The following GAS7 variants were observed in gnomAD, a reference collection of about 807,000 sequenced individuals.
The protein encoded by GAS7 is growth arrest-specific protein 7.
In GAS7, 28 loss-of-function variants were observed where a neutral mutation model predicts 71.1. The observed-to-expected ratio is 0.39, with a 90% CI of 0.29 to 0.54. The LOEUF is 0.54. Ranked by LOEUF, GAS7 falls within the 20% of genes least tolerant of loss-of-function variation. The pLI, the probability that GAS7 is intolerant of heterozygous loss-of-function variation, is 0.62. For missense variants in GAS7, 436 were observed against 627.8 expected, an observed-to-expected ratio of 0.69 and a Z score of 3.27; for synonymous variants, 258 against 245.8, an observed-to-expected ratio of 1.05 and a Z score of -0.46.
At chr17:10,012,829 G>A (rs113444489) in intron 2 of GAS7, among the ~76,000 whole-genome samples, 4,115 of 152,030 alleles carry the variant, frequency 0.027, 156 homozygotes, top group African/African-American at 0.092. Context: ...CAGGCAGGGC[G>A]CGGTGGCTCA....
At chr17:9,932,385 G>A (rs2152081332) in intron 9 of GAS7, among the ~76,000 whole-genome samples, 2 of 152,142 alleles carry the variant, frequency 1.3e-5, no homozygotes, top group Middle Eastern at 3.4e-3. Flanking sequence ...AGTAGAGATG[G>A]GGTTTCACCA....
chr17:10,122,471 GC>G (rs1253798535), intron 1 of GAS7, among the ~76,000 whole-genome samples: 3 of 152,126 alleles, frequency 2.0e-5, no homozygotes, highest in Non-Finnish European at 4.4e-5. Context: ...AGCGAGAAAG[GC>G]CCCCTGGGAC....
Position 9,959,863 on chromosome 17 carries a change from G to A in GAS7, c.472-608C>T, listed in dbSNP as rs2069410540. Among the ~76,000 whole-genome samples, 1 of 152,152 alleles carries A rather than the reference G, an allele frequency of 6.6e-6. No homozygotes were observed. Among genetic ancestry groups the A allele is most frequent in the Non-Finnish European group, 1.5e-5 (1 of 68,030 alleles). Reference sequence around the variant, plus strand: ...TGCCTTTTGATGTCTTCCACCGCCAGTAAGAAAACCAGAGTCCCAAGTACC... The same window carrying A: ...TGCCTTTTGATGTCTTCCACCGCCAATAAGAAAACCAGAGTCCCAAGTACC... On this transcript the variant is annotated intron_variant, in intron 4 of 13. Transcript: ENST00000432992. This position sits in a 1 kb window ranked among gnomAD's most constrained non-coding sequence, Gnocchi z 5.0.
chr17:10,102,533 A>G (rs924930158), intron 1 of GAS7, among the ~76,000 whole-genome samples: 1 of 152,124 alleles, frequency 6.6e-6, no homozygotes, highest in Non-Finnish European at 1.5e-5. Flanking sequence ...TTGCTTACAT[A>G]GACAAGTGCC....
chr17:10,136,145 C>G (rs2074036433), intron 1 of GAS7, among the ~76,000 whole-genome samples: 1 of 152,176 alleles, frequency 6.6e-6, no homozygotes, highest in Admixed American at 6.6e-5. Flanking sequence ...TGTCCTATGA[C>G]TAATGCAAAC....
chr17:9,961,963 G>T (rs2069512850), intron 4 of GAS7, among the ~76,000 whole-genome samples: 1 of 152,096 alleles, frequency 6.6e-6, no homozygotes, highest in African/African-American at 2.4e-5. Flanking sequence ...ATATATTTTG[G>T]GACCACTGTG....
At chr17:10,079,696 A>G (rs1256059928) in intron 1 of GAS7, among the ~76,000 whole-genome samples, 1 of 152,228 alleles carries the variant, frequency 6.6e-6, no homozygotes, top group Admixed American at 6.5e-5. Flanking sequence ...CCTAAAATGT[A>G]TAAAAACTAA....
intron 11 of GAS7, among the ~76,000 whole-genome samples, chr17:9,921,419 G>A (rs994249604): frequency 1.3e-5 from 2 of 152,062 alleles, no homozygotes; most frequent in Non-Finnish European, 1.5e-5. Flanking sequence ...CCTCCGAAAT[G>A]CAAATGCATT....
intron 3 of GAS7, among the ~76,000 whole-genome samples, chr17:9,976,833 G>A (rs773125927): frequency 6.6e-5 from 10 of 152,152 alleles, no homozygotes; most frequent in Non-Finnish European, 1.0e-4. Context: ...AAACACGTAA[G>A]TTCAATGCAT....
At chr17:9,968,928 A>C (rs1396942339) in intron 4 of GAS7, among the ~76,000 whole-genome samples, 3 of 152,188 alleles carry the variant, frequency 2.0e-5, no homozygotes, top group African/African-American at 4.8e-5. Context: ...TGGAGTTTGG[A>C]AGCTTCATTA....
intron 1 of GAS7, among the ~76,000 whole-genome samples, chr17:10,044,677 T>C (rs142388218): frequency 9.2e-5 from 14 of 152,344 alleles, no homozygotes; most frequent in African/African-American, 3.1e-4. Flanking sequence ...TCTCCAAAAA[T>C]ATTTTCCAAT....
At chr17:10,186,607 C>T (rs1262041893) in intron 1 of GAS7, among the ~76,000 whole-genome samples, 1 of 152,034 alleles carries the variant, frequency 6.6e-6, no homozygotes, top group Non-Finnish European at 1.5e-5. Flanking sequence ...GGTTTCACCA[C>T]ATTGGCCAGG....
chr17:10,108,656 T>C (rs893550574), intron 1 of GAS7, among the ~76,000 whole-genome samples: 3 of 152,138 alleles, frequency 2.0e-5, no homozygotes, highest in East Asian at 1.9e-4. Flanking sequence ...TGGAACAGAA[T>C]AGAGAATCCA....
intron 2 of GAS7, among the ~76,000 whole-genome samples, chr17:9,997,416 T>C (rs2071091444): frequency 6.6e-6 from 1 of 151,928 alleles, no homozygotes; most frequent in Non-Finnish European, 1.5e-5. Context: ...GTCAGAATAA[T>C]AAAACATAAA....
intron 1 of GAS7, among the ~76,000 whole-genome samples, chr17:10,145,555 G>GC (rs2074115086): frequency 1.3e-5 from 2 of 152,200 alleles, no homozygotes; most frequent in African/African-American, 4.8e-5. Flanking sequence ...CAGCACTCAG[G>GC]CCCCCCAGGA....
intron 1 of GAS7, among the ~76,000 whole-genome samples, chr17:10,032,358 T>C (rs1184574050): frequency 6.6e-6 from 1 of 152,058 alleles, no homozygotes. Flanking sequence ...GCTTCTTTCC[T>C]CCTCCCCCTT....
chr17:10,018,279 C>T (rs543150919), intron 2 of GAS7, among the ~76,000 whole-genome samples: 3 of 152,258 alleles, frequency 2.0e-5, no homozygotes, highest in South Asian at 2.1e-4. Context: ...GATAAAGATG[C>T]TGAAATTCAG....
At chr17:9,983,187 G>A (rs184395355) in intron 2 of GAS7, among the ~76,000 whole-genome samples, 1 of 152,246 alleles carries the variant, frequency 6.6e-6, no homozygotes, top group East Asian at 1.9e-4. Context: ...ATAAATTTTT[G>A]TGAATACCTT....
At chr17:10,154,515 A>AC (rs1281462909) in intron 1 of GAS7, among the ~76,000 whole-genome samples, 1 of 151,756 alleles carries the variant, frequency 6.6e-6, no homozygotes, top group African/African-American at 2.4e-5. Context: ...AGAAAAACAA[A>AC]AAAAAAAAAT....
Sources: allele counts gnomAD v4.1 joint callset (sites outside exome capture counted in the v4.1 genomes callset), GRCh38; gene constraint gnomAD v4.1.1; non-coding constraint Gnocchi (gnomAD v3.1); transcripts MANE v1.5; gene names NCBI Gene and HGNC (gene_info 2026-07-23, HGNC 2026-07-21).